Variants in ATP2A1 observed in about 807,000 individuals in gnomAD.
ATP2A1 encodes the protein ATPase sarcoplasmic/endoplasmic reticulum Ca2+ transporting 1.
In ATP2A1, 83 loss-of-function variants were observed where a neutral mutation model predicts 109.5. That is an observed-to-expected ratio of 0.76 (90% confidence interval 0.63 to 0.91). ATP2A1 has a LOEUF of 0.91. Among genes scored for constraint, ATP2A1 ranks in the 40% least tolerant of loss-of-function variants. The pLI, the probability that ATP2A1 is intolerant of heterozygous loss-of-function variation, is 0.00. For missense variants in ATP2A1, 1,101 were observed against 1,341.0 expected (o/e 0.82, Z 2.80); for synonymous variants, 505 against 537.6 (o/e 0.94, Z 0.84).
In ATP2A1 at chr16:28,902,668, A is replaced by C. The variant is rs1184505574; in HGVS notation, c.2610+3A>C. The C allele has an allele frequency of 6.2e-7, 1 of 1,613,858 alleles. No homozygotes were observed. The highest frequency in any genetic ancestry group is 8.5e-7 in the Non-Finnish European group (1 of 1,179,958). ...CTCATGTCAACTACAGCCAGCTGGT[A>C]GGGGGAGGCCACAAAGGAGGGGACC... On this transcript the variant is annotated splice_donor_region_variant and intron_variant, in intron 18 of 22. Coordinates refer to ENST00000395503, the MANE Select transcript of ATP2A1 (RefSeq NM_004320.6). This position sits in a 1 kb window ranked among gnomAD's most constrained non-coding sequence, Gnocchi z 4.8.
In ATP2A1 at chr16:28,880,524, GCTGCGGGGGCCAGACCGC is replaced by G. The variant is rs559731248; in HGVS notation, c.220-385_220-368del. ...TTCCCTGCCTTGGCCGAGGGGGAGG[GCTGCGGGGGCCAGACCGC>G]CTGCGAAGACCACAGGGTTTTTCCT... is the stretch of plus-strand genomic sequence containing the variant. On this transcript the variant is annotated intron_variant, in intron 3 of 22. Coordinates refer to ENST00000395503, the MANE Select transcript of ATP2A1 (RefSeq NM_004320.6). The surrounding 1 kb of genome is among the most constrained non-coding windows in gnomAD (Gnocchi z 4.2). Among the ~76,000 whole-genome samples, 450 of 152,372 alleles carry G rather than the reference GCTGCGGGGGCCAGACCGC, an allele frequency of 3.0e-3. 2 individuals are homozygous for G. The highest frequency in any genetic ancestry group is 5.0e-3 in the Non-Finnish European group (343 of 68,038).
intron 8 of ATP2A1, among the ~76,000 whole-genome samples, chr16:28,888,022 CG>C (rs1163701089): frequency 6.6e-6 from 1 of 151,982 alleles, no homozygotes; most frequent in Non-Finnish European, 1.5e-5. Context: ...AGGATGGTCT[CG>C]ATCTCCTGAC....
rs1040400763 is a variant in ATP2A1 at position 28,903,997 on chromosome 16, G to A, written c.*38-183G>A. On this transcript the variant is annotated intron_variant, in intron 22 of 22. Coordinates refer to ENST00000395503, the MANE Select transcript of ATP2A1 (RefSeq NM_004320.6). This position sits in a 1 kb window ranked among gnomAD's most constrained non-coding sequence, Gnocchi z 5.6. ...CGTTGCGCTGGCTGTGTGCTGGGCT[G>A]TCTTTGCTGTGGGGCTGCAGTGGGG... is the stretch of plus-strand genomic sequence containing the variant. Among the ~76,000 whole-genome samples, 18 of 149,696 alleles carry A rather than the reference G, an allele frequency of 1.2e-4. No homozygotes were observed. Among genetic ancestry groups the A allele is most frequent in the Admixed American group, 1.1e-3 (16 of 15,036 alleles).
At chr16:28,885,981 C>A (rs1360859681) in intron 6 of ATP2A1, among the ~76,000 whole-genome samples, 2 of 151,624 alleles carry the variant, frequency 1.3e-5, no homozygotes, top group Non-Finnish European at 2.9e-5. Flanking sequence ...GCCTCGGCAA[C>A]ACAGCGAGAC....
chr16:28,902,990 C>T lies in ATP2A1; in HGVS notation c.2745-40C>T, dbSNP rs1964130413. 1.9e-6 allele frequency: 3 copies of T among 1,613,344 alleles called. No individual in the cohort carries two copies. The highest frequency in any genetic ancestry group is 1.7e-6 in the Non-Finnish European group (2 of 1,179,676). On this transcript the variant is annotated intron_variant, in intron 19 of 22. Coordinates refer to ENST00000395503, the MANE Select transcript of ATP2A1 (RefSeq NM_004320.6). The surrounding 1 kb of genome is among the most constrained non-coding windows in gnomAD (Gnocchi z 4.8). Reference sequence around the variant, plus strand: ...CCTCCACTGTGCCGCCCACCTCCTTCCTCCTCACTGTGCCTTCTCCCTCCC... The same window carrying T: ...CCTCCACTGTGCCGCCCACCTCCTTTCTCCTCACTGTGCCTTCTCCCTCCC...
Position 28,898,661 on chromosome 16 carries a change from T to C in ATP2A1, c.1764+210T>C, listed in dbSNP as rs1422709022. On this transcript the variant is annotated intron_variant, in intron 14 of 22. Transcript: ENST00000395503. The surrounding 1 kb of genome is among the most constrained non-coding windows in gnomAD (Gnocchi z 4.0). ...ACTCACACCTGTAATCTCAGCACTT[T>C]GGGAAGCTGAGATGGGAAAAGCGCT... is the stretch of plus-strand genomic sequence containing the variant. Among the ~76,000 whole-genome samples, 1 of 152,026 alleles carries C rather than the reference T, an allele frequency of 6.6e-6. No individual in the cohort carries two copies. The highest frequency in any genetic ancestry group is 1.9e-4 in the East Asian group (1 of 5,190).
Position 28,883,702 on chromosome 16 carries a change from G to T in ATP2A1, c.464-873G>T, listed in dbSNP as rs564895344. Among the ~76,000 whole-genome samples, 1 of 152,028 alleles carries T rather than the reference G, an allele frequency of 6.6e-6. No homozygotes were observed. Among genetic ancestry groups the T allele is most frequent in the African/African-American group, 2.4e-5 (1 of 41,396 alleles). On this transcript the variant is annotated intron_variant, in intron 5 of 22. Coordinates refer to ENST00000395503, the MANE Select transcript of ATP2A1 (RefSeq NM_004320.6). This position sits in a 1 kb window ranked among gnomAD's most constrained non-coding sequence, Gnocchi z 5.2. ...CCATGGCCTGCCAGCCCACCTGTGC[G>T]TCTCCCTGGCCTCACCTCCACCCAT...
chr16:28,895,697 GA>G (rs542628176), intron 12 of ATP2A1, among the ~76,000 whole-genome samples: 17 of 144,824 alleles, frequency 1.2e-4, no homozygotes, highest in Non-Finnish European at 2.0e-4. Context: ...AAGAAAGAAA[GA>G]AAAAAAAAAG....
At position 28,902,325 on chromosome 16, in the gene ATP2A1, C is replaced by G. The variant is rs1336423102; in HGVS notation, c.2463C>G (p.Pro821=). The change falls in exon 17 of 23, where the codon CCC becomes CCG. Residue 821 remains proline (P), a synonymous_variant. Coordinates refer to ENST00000395503, the MANE Select transcript of ATP2A1 (RefSeq NM_004320.6). This position sits in a 1 kb window ranked among gnomAD's most constrained non-coding sequence, Gnocchi z 4.8. ...PPDLDIMDRP[P]RSPKEPLISG... is the part of the protein sequence containing the mutation. Reference sequence around the variant, plus strand: ...ACCTGGACATCATGGACCGCCCCCCCCGGAGCCCCAAGGAGCCCCTCATCA... The same window carrying G: ...ACCTGGACATCATGGACCGCCCCCCGCGGAGCCCCAAGGAGCCCCTCATCA... The G allele has an allele frequency of 1.2e-6, 2 of 1,614,150 alleles. No individual in the cohort carries two copies. Among genetic ancestry groups the G allele is most frequent in the Non-Finnish European group, 1.7e-6 (2 of 1,180,010 alleles).
At position 28,902,841 on chromosome 16, in the gene ATP2A1, GA is replaced by G. The variant is rs768376398; in HGVS notation, c.2675del (p.Glu892GlyfsTer6). Reference protein sequence around the residue: ...HFEGIDCEVFEAPEPMTMALS... With the variant: ...HFEGIDCEVFXAPEPMTMALS... The stretch of plus-strand genomic sequence containing the variant: ...TGAGGGCATAGACTGTGAGGTCTTC[GA>G]GGCCCCCGAGCCCATGACCATGGCC... On this transcript the variant is annotated frameshift_variant, in exon 19 of 23. Coordinates refer to ENST00000395503, the MANE Select transcript of ATP2A1 (RefSeq NM_004320.6). LOFTEE classifies it high-confidence loss of function. This position sits in a 1 kb window ranked among gnomAD's most constrained non-coding sequence, Gnocchi z 4.8. The G allele has an allele frequency of 6.2e-7, 1 of 1,613,814 alleles. No individual in the cohort carries two copies. The highest frequency in any genetic ancestry group is 1.1e-5 in the South Asian group (1 of 91,046).
chr16:28,881,175 G>A (rs975591209), intron 4 of ATP2A1, among the ~76,000 whole-genome samples, 156 bp downstream of exon 4: 1 of 152,166 alleles, frequency 6.6e-6, no homozygotes, highest in African/African-American at 2.4e-5. Context: ...TGGGGAAGAG[G>A]TGGGAGACTG....
rs972731815 is a variant in ATP2A1, at chr16:28,885,221, C to T, written c.544+566C>T. Among the ~76,000 whole-genome samples the T allele has an allele frequency of 2.7e-5, 4 of 146,734 alleles. No individual in the cohort carries two copies. The Admixed American group carries it at 2.8e-4, about 10-fold the overall frequency. On this transcript the variant is annotated intron_variant, in intron 6 of 22. Coordinates refer to ENST00000395503, the MANE Select transcript of ATP2A1 (RefSeq NM_004320.6). ...CCAAGATCATGTCACTGCACTCCAG[C>T]ATGGGCAACAAGAGCAAGACCCCAT...
chr16:28,893,512 T>G (rs1412462382), intron 9 of ATP2A1, among the ~76,000 whole-genome samples: 1 of 152,204 alleles, frequency 6.6e-6, no homozygotes, highest in Non-Finnish European at 1.5e-5. Flanking sequence ...CAGCTGGAGC[T>G]GTAGATGGTC....
At position 28,900,825 on chromosome 16, in the gene ATP2A1, G is replaced by A; in HGVS notation, c.2009G>A (p.Cys670Tyr). 6.2e-7 allele frequency: 1 copy of A among 1,614,226 alleles called. No individual in the cohort carries two copies. ...DLPLAEQREA[C>Y]RRACCFARVE... Reference sequence around the variant, plus strand: ...CCCCTGGCTGAACAGCGGGAAGCCTGCCGACGTGCCTGCTGCTTCGCCCGT... The same window carrying A: ...CCCCTGGCTGAACAGCGGGAAGCCTACCGACGTGCCTGCTGCTTCGCCCGT... The change falls in exon 15 of 23, where the codon TGC becomes TAC. Residue 670 changes from cysteine (C) to tyrosine (Y), a missense_variant. Transcript: ENST00000395503.
At chr16:28,885,493 ACC>A (rs1489153318) in intron 6 of ATP2A1, among the ~76,000 whole-genome samples, 1 of 151,814 alleles carries the variant, frequency 6.6e-6, no homozygotes, top group Non-Finnish European at 1.5e-5. Context: ...ACAGACGTCC[ACC>A]ATCACACCCG....
chr16:28,885,739 C>G (rs1237687397), intron 6 of ATP2A1, among the ~76,000 whole-genome samples: 1 of 151,988 alleles, frequency 6.6e-6, no homozygotes, highest in Non-Finnish European at 1.5e-5. Flanking sequence ...AGCCACCAGC[C>G]CACCCCTTCC....
Position 28,898,474 on chromosome 16 carries a change from C to A in ATP2A1, c.1764+23C>A, listed in dbSNP as rs746488579. On this transcript the variant is annotated intron_variant, in intron 14 of 22. Transcript: ENST00000395503. This position sits in a 1 kb window ranked among gnomAD's most constrained non-coding sequence, Gnocchi z 4.0. ...GAGGTAAGCAGCTGGGAGCCTCCCA[C>A]TGTCGTGGAGCTGGTGAAGGGCCGG... The A allele has an allele frequency of 1.2e-6, 2 of 1,606,610 alleles. No homozygotes were observed. Among genetic ancestry groups the A allele is most frequent in the Non-Finnish European group, 1.7e-6 (2 of 1,176,808 alleles).
chr16:28,884,539 C>T (rs371804014), intron 5 of ATP2A1, 36 bp from the exon 6 acceptor site: 5 of 1,578,206 alleles, frequency 3.2e-6, no homozygotes, highest in African/African-American at 1.3e-5. Context: ...AAATTCCATT[C>T]CCAAGTGACC....
At chr16:28,879,155 C>T (rs1317616631) in intron 2 of ATP2A1, 39 bp downstream of exon 2, 3 of 1,609,980 alleles carry the variant, frequency 1.9e-6, no homozygotes, top group African/African-American at 1.3e-5. Flanking sequence ...TAAATGACCA[C>T]CCCCCACCCC....
Sources: gnomAD v4.1 joint callset for allele counts (sites outside exome capture counted in the v4.1 genomes callset) on GRCh38, gnomAD v4.1.1 for gene constraint, Gnocchi (gnomAD v3.1) non-coding constraint, MANE v1.5 for transcripts, NCBI Gene and HGNC (gene_info 2026-07-23, HGNC 2026-07-21) for gene names.